The following GRID2 variants were observed in gnomAD, a reference collection of about 807,000 sequenced individuals.
GRID2 encodes glutamate ionotropic receptor delta type subunit 2, also known as glutamate receptor ionotropic, delta-2.
GRID2 carries 33 observed loss-of-function variants against 114.8 expected under a neutral mutation model. The observed-to-expected ratio is 0.29, with a 90% CI of 0.22 to 0.38. The LOEUF is 0.38. Ranked by LOEUF, GRID2 falls within the 10% of genes least tolerant of loss-of-function variation. GRID2 has a pLI of 1.00. For missense variants in GRID2, 1,184 were observed against 1,257.7 expected (o/e 0.94, Z 0.89); for synonymous variants, 505 against 449.9 (o/e 1.12, Z -1.55).
chr4:93,352,701 C>T (rs1404195492), intron 8 of GRID2, among the ~76,000 whole-genome samples: 1 of 151,956 alleles, frequency 6.6e-6, no homozygotes, highest in Non-Finnish European at 1.5e-5. Context: ...AAATATTTAT[C>T]CATGGGCAAC....
rs554475238 is a variant in GRID2, at chr4:92,651,326, C to T, written c.244+61040C>T. On this transcript the variant is annotated intron_variant, in intron 2 of 15. Transcript: ENST00000282020. ...GTGGGTCTCTGCTGCTGGCAGATTG[C>T]GTATACAACAGTGGTCATAGCCTGG... is the stretch of plus-strand genomic sequence containing the variant. Among the ~76,000 whole-genome samples, 7 of 152,040 alleles carry T rather than the reference C, an allele frequency of 4.6e-5. No individual in the cohort carries two copies. In the East Asian group the frequency reaches 1.2e-3, roughly 25 times the overall value.
At chr4:93,409,626 C>T (rs1766904608) in intron 9 of GRID2, among the ~76,000 whole-genome samples, 1 of 152,130 alleles carries the variant, frequency 6.6e-6, no homozygotes, top group African/African-American at 2.4e-5. Flanking sequence ...GAGATTTTGA[C>T]ACGACCATGT....
At chr4:93,628,072 G>T (rs569684662) in intron 14 of GRID2, among the ~76,000 whole-genome samples, 1 of 152,284 alleles carries the variant, frequency 6.6e-6, no homozygotes, top group East Asian at 1.9e-4. Context: ...TACTTGGGAG[G>T]CTGAGGCATG....
chr4:93,436,788 A>T (rs546668853), intron 10 of GRID2, among the ~76,000 whole-genome samples: 11 of 152,206 alleles, frequency 7.2e-5, no homozygotes, highest in African/African-American at 2.6e-4. Context: ...TCAACAAGAA[A>T]ATACTAAGAC....
chr4:92,616,438 T>C (rs1374354592), intron 2 of GRID2, among the ~76,000 whole-genome samples: 1 of 151,600 alleles, frequency 6.6e-6, no homozygotes, highest in Non-Finnish European at 1.5e-5. Flanking sequence ...GTAGTTTGAC[T>C]ATGATCTGTC....
intron 6 of GRID2, among the ~76,000 whole-genome samples, chr4:93,224,259 C>T (rs533295878): frequency 3.3e-5 from 5 of 152,194 alleles, no homozygotes; most frequent in Middle Eastern, 3.4e-3. Flanking sequence ...TTCAGTTTGC[C>T]CTTCCAATCT....
In GRID2 at chr4:92,425,310, A is replaced by G. The variant is rs1732103827; in HGVS notation, c.88+120566A>G. On this transcript the variant is annotated intron_variant, in intron 1 of 15. Coordinates refer to ENST00000282020, the MANE Select transcript of GRID2 (RefSeq NM_001510.4). ...TTATAGTACTTTAGGAACAGCTCAT[A>G]CTACATTAATCAGGGATAACTTCTG... Among the ~76,000 whole-genome samples, 3 of 152,100 alleles carry G rather than the reference A, an allele frequency of 2.0e-5. No homozygotes were observed. The South Asian group carries it at 6.2e-4, about 31-fold the overall frequency.
chr4:93,111,692 T>G (rs1732775983), intron 4 of GRID2, among the ~76,000 whole-genome samples: 1 of 152,084 alleles, frequency 6.6e-6, no homozygotes, highest in African/African-American at 2.4e-5. Context: ...TTTACAAACT[T>G]TCACATGGAA....
Position 92,926,395 on chromosome 4 carries a change from T to C in GRID2, c.245-158600T>C, listed in dbSNP as rs146597601. ...TTGTTGTGTGAATCAGTATGTACAATGAAGAGTGACCCATTACATACAATA... is the reference window on the plus strand; with the variant it reads ...TTGTTGTGTGAATCAGTATGTACAACGAAGAGTGACCCATTACATACAATA... On this transcript the variant is annotated intron_variant, in intron 2 of 15. Transcript: ENST00000282020. Among the ~76,000 whole-genome samples, 672 of 152,116 alleles carry C rather than the reference T, an allele frequency of 4.4e-3. 8 individuals are homozygous for C. The highest frequency in any genetic ancestry group is 0.016 in the African/African-American group (647 of 41,558).
chr4:92,897,678 T>C (rs1246118863), intron 2 of GRID2, among the ~76,000 whole-genome samples: 1 of 152,166 alleles, frequency 6.6e-6, no homozygotes, highest in Non-Finnish European at 1.5e-5. Flanking sequence ...TGTGTAACTA[T>C]ATAGGAAATG....
intron 14 of GRID2, among the ~76,000 whole-genome samples, chr4:93,675,380 C>T (rs769502181): frequency 3.9e-5 from 6 of 152,008 alleles, no homozygotes; most frequent in Non-Finnish European, 8.8e-5. Context: ...GTTAAAAGTA[C>T]ATGATACTTT....
rs543122050 is a variant in GRID2 at position 92,478,832 on chromosome 4, C to T, written c.89-111299C>T. On this transcript the variant is annotated intron_variant, in intron 1 of 15. Transcript: ENST00000282020. ...TTCAAATTTGTCATCAATTTTCTGT[C>T]CACATCTCCCTATCTGAAATGTTTG... Among the ~76,000 whole-genome samples, 4 of 152,214 alleles carry T rather than the reference C, an allele frequency of 2.6e-5. No individual in the cohort carries two copies. The East Asian group carries it at 7.7e-4, about 29-fold the overall frequency.
At chr4:92,562,639 G>A (rs1363799360) in intron 1 of GRID2, among the ~76,000 whole-genome samples, 7 of 152,094 alleles carry the variant, frequency 4.6e-5, no homozygotes, top group East Asian at 3.9e-4. Context: ...CGGTAGGCCC[G>A]ACCTAGAAAC....
At chr4:92,802,038 TATTA>T (rs775341605) in intron 2 of GRID2, among the ~76,000 whole-genome samples, 2 of 151,974 alleles carry the variant, frequency 1.3e-5, no homozygotes, top group Non-Finnish European at 2.9e-5. Flanking sequence ...TTTTAAATTT[TATTA>T]ATTCTTATGC....
chr4:92,666,312 T>A (rs1042419361), intron 2 of GRID2, among the ~76,000 whole-genome samples: 49 of 151,570 alleles, frequency 3.2e-4, no homozygotes, highest in African/African-American at 1.2e-3. Flanking sequence ...ATATATTTCT[T>A]ACTTCCCCTG....
intron 13 of GRID2, among the ~76,000 whole-genome samples, chr4:93,540,634 T>A (rs780468103): frequency 1.3e-5 from 2 of 152,038 alleles, no homozygotes; most frequent in Admixed American, 6.6e-5. Flanking sequence ...ATGTAAGAGA[T>A]CTTAATTTTG....
chr4:93,293,795 A>G (rs1753996177), intron 8 of GRID2, among the ~76,000 whole-genome samples: 1 of 152,204 alleles, frequency 6.6e-6, no homozygotes, highest in Admixed American at 6.5e-5. Flanking sequence ...AAGCTCACTC[A>G]GTCATCCATT....
intron 2 of GRID2, among the ~76,000 whole-genome samples, chr4:92,927,977 A>C (rs1255075955): frequency 1.3e-5 from 2 of 151,832 alleles, no homozygotes; most frequent in South Asian, 2.1e-4. Context: ...TTGGTGCTCA[A>C]AATGTTTCAA....
intron 2 of GRID2, among the ~76,000 whole-genome samples, chr4:92,912,223 C>A (rs191589049): frequency 1.8e-3 from 275 of 151,894 alleles, no homozygotes; most frequent in African/African-American, 5.3e-3. Flanking sequence ...GATATATGAG[C>A]TTTTAACTTC....
Sources: gnomAD v4.1 joint callset for allele counts (sites outside exome capture counted in the v4.1 genomes callset) on GRCh38, gnomAD v4.1.1 for gene constraint, MANE v1.5 for transcripts, NCBI Gene and HGNC (gene_info 2026-07-23, HGNC 2026-07-21) for gene names.